The following PLCH2 variants were observed in gnomAD, a reference collection of about 807,000 sequenced individuals.
PLCH2 encodes phospholipase C eta 2.
In PLCH2, 98 loss-of-function variants were observed where a neutral mutation model predicts 134.7. That is an observed-to-expected ratio of 0.73 (90% confidence interval 0.62 to 0.86). The LOEUF (loss-of-function observed/expected upper bound fraction) is 0.86, where lower values mean the gene tolerates loss of function less well. Among genes scored for constraint, PLCH2 ranks in the 40% least tolerant of loss-of-function variants. PLCH2 has a pLI of 0.00. For synonymous variants in PLCH2, 974 were observed against 827.5 expected (o/e 1.18, Z -3.04); for missense variants, 1,994 against 1,986.6 (o/e 1.00, Z -0.07).
At chr1:2,484,415 G>A (rs61763949) in intron 4 of PLCH2, 33 bp from the exon 5 acceptor site, 6 of 1,610,300 alleles carry the variant, frequency 3.7e-6, no homozygotes, top group Non-Finnish European at 5.1e-6. Context: ...CCTGGTCGAG[G>A]TGCCAATGGG....
intron 1 of PLCH2, among the ~76,000 whole-genome samples, chr1:2,478,053 T>A (rs1023488196): frequency 1.3e-5 from 2 of 152,234 alleles, no homozygotes; most frequent in African/African-American, 4.8e-5. Context: ...GTGCCCGGCC[T>A]TCCCATTGTT....
chr1:2,432,282 C>T (rs773642272), intron 2 of PLCH2, among the ~76,000 whole-genome samples: 39 of 152,154 alleles, frequency 2.6e-4, no homozygotes, highest in Non-Finnish European at 4.7e-4. Context: ...GGGTCAGGTC[C>T]GCTTGGGAGT....
At chr1:2,452,505 A>C (rs949519359) in intron 2 of PLCH2, among the ~76,000 whole-genome samples, 2 of 152,166 alleles carry the variant, frequency 1.3e-5, no homozygotes, top group Admixed American at 1.3e-4. Context: ...GGGAGCGGCC[A>C]CCGTGAGCAG....
At chr1:2,428,047 G>GCTGGGC (rs1399863753) in intron 1 of PLCH2, among the ~76,000 whole-genome samples, 3 of 152,232 alleles carry the variant, frequency 2.0e-5, no homozygotes. Flanking sequence ...TCGGCCCGGA[G>GCTGGGC]CTGGGCCTGG....
At chr1:2,482,262 G>T (rs903345601) in intron 4 of PLCH2, among the ~76,000 whole-genome samples, 1 of 152,228 alleles carries the variant, frequency 6.6e-6, no homozygotes, top group African/African-American at 2.4e-5. Flanking sequence ...TCTGTGGAGG[G>T]GGCCGCATCT....
chr1:2,504,983 CG>C lies in PLCH2; in HGVS notation c.4022del (p.Arg1341ProfsTer157). On this transcript the variant is annotated frameshift_variant, in exon 22 of 22. Coordinates refer to ENST00000378486, the MANE Select transcript of PLCH2 (RefSeq NM_014638.4). LOFTEE classifies it high-confidence loss of function. Reference protein sequence around the residue: ...GPGFVRRSSSRSHSRVRAIAS... With the variant: ...GPGFVRRSSSXSHSRVRAIAS... ...TGGTTTTGTGCGGCGCTCCTCCTCC[CG>C]CAGCCACAGCCGCGTGCGTGCCATT... is the stretch of plus-strand genomic sequence containing the variant. 1 of 1,548,780 alleles carries C rather than the reference CG, an allele frequency of 6.5e-7. No individual in the cohort carries two copies. The highest frequency in any genetic ancestry group is 8.7e-7 in the Non-Finnish European group (1 of 1,150,940).
upstream of PLCH2, among the ~76,000 whole-genome samples, chr1:2,467,003 T>G (rs138008289): frequency 3.4e-4 from 52 of 152,272 alleles, no homozygotes; most frequent in Non-Finnish European, 6.9e-4. Context: ...CAATGACCCT[T>G]GGCAGTGCTC....
intron 2 of PLCH2, among the ~76,000 whole-genome samples, chr1:2,447,887 G>C (rs965011896): frequency 1.3e-5 from 2 of 152,176 alleles, no homozygotes. Context: ...CAAGGCCTGA[G>C]GTCTTTCCGT....
rs768533914 is a variant in PLCH2, at chr1:2,504,955, C to T, written c.3993C>T (p.Gly1331=). ...LGPAGEGVAG[G]PGFVRRSSSR... ...CGGCTGGGGAGGGGGTGGCAGGGGG[C>T]CCTGGTTTTGTGCGGCGCTCCTCCT... Residue 1331 remains glycine (G), a synonymous_variant, in exon 22 of 22, where the codon GGC becomes GGT. Transcript: ENST00000378486. 83 of 1,559,650 alleles carry T rather than the reference C, an allele frequency of 5.3e-5. No individual in the cohort carries two copies. Among genetic ancestry groups the T allele is most frequent in the Admixed American group, 1.5e-4 (8 of 53,164 alleles).
chr1:2,431,941 A>G (rs1361247414), intron 2 of PLCH2, among the ~76,000 whole-genome samples: 1 of 152,090 alleles, frequency 6.6e-6, no homozygotes. Context: ...ATGCCAGCTC[A>G]GTTACCTGTG....
At chr1:2,417,420 T>C in the PLCH2 span, among the ~76,000 whole-genome samples, 1 of 151,682 alleles carries the variant, frequency 6.6e-6, no homozygotes, top group Non-Finnish European at 1.5e-5. Flanking sequence ...CCTGCCCAGC[T>C]TCCCAGCCTC....
At position 2,478,410 on chromosome 1, in the gene PLCH2, C is replaced by T. The variant is rs184651678; in HGVS notation, c.125-66C>T. On this transcript the variant is annotated intron_variant, in intron 1 of 21. Coordinates refer to ENST00000378486, the MANE Select transcript of PLCH2 (RefSeq NM_014638.4). ...TGAGGAGTGGCCGTGCCTCCGCTGA[C>T]GGCCGTGTCTCTCCTGCGAGGAGTG... 7.6e-5 allele frequency: 121 copies of T among 1,582,408 alleles called. No homozygotes were observed. In the East Asian group the frequency reaches 1.1e-3, roughly 15 times the overall value.
intron 11 of PLCH2, among the ~76,000 whole-genome samples, 184 bp downstream of exon 11, chr1:2,491,519 C>CCACTG (rs1462245573): frequency 1.2e-4 from 19 of 152,264 alleles, no homozygotes; most frequent in Non-Finnish European, 2.5e-4. Context: ...ACCCACCTAC[C>CCACTG]AGCGGGGTCT....
At chr1:2,495,749 G>A (rs1213589205) in intron 13 of PLCH2, among the ~76,000 whole-genome samples, 179 bp downstream of exon 13, 1 of 152,200 alleles carries the variant, frequency 6.6e-6, no homozygotes, top group South Asian at 2.1e-4. Context: ...GCTGGTGGCT[G>A]TGGGCAGTGG....
In PLCH2 at chr1:2,448,735, C is replaced by A. The variant is rs1259893460; in HGVS notation, c.115+18106C>A. Among the ~76,000 whole-genome samples, 1 of 152,062 alleles carries A rather than the reference C, an allele frequency of 6.6e-6. No homozygotes were observed. Among genetic ancestry groups the A allele is most frequent in the East Asian group, 1.9e-4 (1 of 5,166 alleles). Reference sequence around the variant, plus strand: ...GCCTCCTGGCTCCCCACCATCCCCCCTGGTGCAGCCTCCTGGCTCCCCACC... The same window carrying A: ...GCCTCCTGGCTCCCCACCATCCCCCATGGTGCAGCCTCCTGGCTCCCCACC... On this transcript the variant is annotated intron_variant, in intron 2 of 3. Coordinates refer to the PLCH2 transcript ENST00000609981. The surrounding 1 kb of genome is among the most constrained non-coding windows in gnomAD (Gnocchi z 4.0).
At chr1:2,424,802 A>G (rs779762675), upstream of PLCH2, among the ~76,000 whole-genome samples, 1 of 152,348 alleles carries the variant, frequency 6.6e-6, no homozygotes, top group East Asian at 1.9e-4. Context: ...CCTGGCTAAC[A>G]CAGTGAAACC....
At chr1:2,427,858 C>G (rs1376317877) in intron 1 of PLCH2, among the ~76,000 whole-genome samples, 2 of 152,068 alleles carry the variant, frequency 1.3e-5, no homozygotes, top group Non-Finnish European at 2.9e-5. Context: ...GACTCGCTGG[C>G]CCTGAGCAGG....
At chr1:2,488,293 G>A (rs1290086440) in intron 8 of PLCH2, among the ~76,000 whole-genome samples, 2 of 152,230 alleles carry the variant, frequency 1.3e-5, no homozygotes, top group African/African-American at 2.4e-5. Context: ...CCCTGGGACT[G>A]TAGGTGGGAA....
At chr1:2,491,470 A>G in intron 11 of PLCH2, 135 bp downstream of exon 11, 1 of 875,102 alleles carries the variant, frequency 1.1e-6, no homozygotes, top group Non-Finnish European at 1.8e-6. Context: ...ACACAAGCAT[A>G]CCTCTGTACA....
Sources: allele counts gnomAD v4.1 joint callset (sites outside exome capture counted in the v4.1 genomes callset), GRCh38; gene constraint gnomAD v4.1.1; non-coding constraint Gnocchi (gnomAD v3.1); transcripts MANE v1.5; gene names NCBI Gene and HGNC (gene_info 2026-07-23, HGNC 2026-07-21).